The following APP variants were observed in gnomAD, a reference collection of about 807,000 sequenced individuals.
APP encodes the protein amyloid beta precursor protein.
A neutral mutation model predicts 101.4 loss-of-function variants in APP; 31 were observed. The observed-to-expected ratio is 0.31, with a 90% CI of 0.23 to 0.41. The LOEUF (loss-of-function observed/expected upper bound fraction) is 0.41, where lower values mean the gene tolerates loss of function less well. APP is among the 10% of genes least tolerant of loss of function. The probability of loss-of-function intolerance (pLI) is 1.00; values close to 1 mark genes in which losing one functional copy is unlikely to be tolerated. For missense variants in APP, 839 were observed against 1,003.7 expected (o/e 0.84, Z 2.22); for synonymous variants, 366 against 364.4 (o/e 1.00, Z -0.05).
chr21:26,124,896 T>C, intron 1 of APP, among the ~76,000 whole-genome samples: 1 of 152,224 alleles, frequency 6.6e-6, no homozygotes, highest in East Asian at 1.9e-4. Context: ...GACAGTGGGG[T>C]AACCCGAAAA....
intron 5 of APP, among the ~76,000 whole-genome samples, chr21:26,038,485 C>A (rs913122696): frequency 5.9e-5 from 9 of 152,142 alleles, no homozygotes; most frequent in African/African-American, 2.2e-4. Flanking sequence ...ATCACCCCAG[C>A]TGGCGCGGTG....
chr21:25,910,006 T>C (rs938621898), intron 14 of APP, among the ~76,000 whole-genome samples: 2 of 152,162 alleles, frequency 1.3e-5, no homozygotes, highest in Non-Finnish European at 2.9e-5. Context: ...ATTGTGAAAA[T>C]AGTCTATATA....
chr21:26,037,710 C>T (rs964851684), intron 5 of APP, among the ~76,000 whole-genome samples: 4 of 152,116 alleles, frequency 2.6e-5, no homozygotes, highest in African/African-American at 7.2e-5. Flanking sequence ...ACCTTGTAAA[C>T]ATATTTTCAT....
At chr21:25,902,114 A>G (rs537721396) in intron 15 of APP, among the ~76,000 whole-genome samples, 1 of 152,170 alleles carries the variant, frequency 6.6e-6, no homozygotes, top group South Asian at 2.1e-4. Flanking sequence ...GTTTTTTTAG[A>G]TATGAGAGTT....
intron 3 of APP, among the ~76,000 whole-genome samples, chr21:26,073,957 CAAGAA>C (rs2146044907): frequency 6.6e-6 from 1 of 152,242 alleles, no homozygotes; most frequent in South Asian, 2.1e-4. Context: ...TCTAAGCTTT[CAAGAA>C]AGCAAGAGCT....
rs1027680254 is a variant in APP at position 26,092,791 on chromosome 21, T to C, written c.226-2719A>G. Among the ~76,000 whole-genome samples the C allele has an allele frequency of 8.5e-5, 13 of 152,292 alleles. No homozygotes were observed. In the South Asian group the frequency reaches 2.3e-3, roughly 27 times the overall value. On this transcript the variant is annotated intron_variant, in intron 2 of 17. Coordinates refer to ENST00000346798, the MANE Select transcript of APP (RefSeq NM_000484.4). Reference sequence around the variant, plus strand: ...AGCATGTGTGCAGGTAGCAAGTATATGGGAAACCTCTGTACCTTCCTCTCA... The same window carrying C: ...AGCATGTGTGCAGGTAGCAAGTATACGGGAAACCTCTGTACCTTCCTCTCA...
intron 16 of APP, among the ~76,000 whole-genome samples, chr21:25,893,721 T>G (rs1355642259): frequency 6.6e-6 from 1 of 152,344 alleles, no homozygotes; most frequent in South Asian, 2.1e-4. Context: ...AGAAGCCATC[T>G]CCATAACACA....
In APP at chr21:26,042,888, C is replaced by T. The variant is rs113950737; in HGVS notation, c.662+8112G>A. Among the ~76,000 whole-genome samples the T allele has an allele frequency of 4.5e-3, 687 of 151,878 alleles. 10 individuals carry two copies. The highest frequency in any genetic ancestry group is 0.016 in the African/African-American group (658 of 41,354). On this transcript the variant is annotated intron_variant, in intron 5 of 17. Coordinates refer to ENST00000346798, the MANE Select transcript of APP (RefSeq NM_000484.4). The stretch of plus-strand genomic sequence containing the variant: ...CTATGGTTGCAATACTGCACTCCAG[C>T]ATGTGTGACAGCAAGAACCTGTCTC...
chr21:25,918,685 C>A (rs1441135780), intron 13 of APP, among the ~76,000 whole-genome samples: 1 of 151,760 alleles, frequency 6.6e-6, no homozygotes, highest in Admixed American at 6.7e-5. Context: ...GCTTAAGAAA[C>A]GGCGCACCAC....
intron 1 of APP, among the ~76,000 whole-genome samples, chr21:26,150,606 CAGAT>C (rs775175694): frequency 1.3e-5 from 2 of 148,576 alleles, no homozygotes; most frequent in Admixed American, 6.7e-5. Flanking sequence ...TCTAGATAGA[CAGAT>C]AGATAGACAG....
At chr21:26,153,547 G>GC (rs375273810) in intron 1 of APP, among the ~76,000 whole-genome samples, 47 of 152,108 alleles carry the variant, frequency 3.1e-4, no homozygotes, top group African/African-American at 9.4e-4. Context: ...CTGAGCTCAA[G>GC]CAATCCTCTG....
At chr21:26,107,283 G>C (rs1430297505) in intron 2 of APP, among the ~76,000 whole-genome samples, 2 of 152,166 alleles carry the variant, frequency 1.3e-5, no homozygotes, top group Non-Finnish European at 2.9e-5. Flanking sequence ...AATTCCAGAT[G>C]ATTCCTGTTC....
At chr21:25,999,609 C>G (rs2043197775) in intron 7 of APP, among the ~76,000 whole-genome samples, 1 of 152,232 alleles carries the variant, frequency 6.6e-6, no homozygotes, top group Non-Finnish European at 1.5e-5. Flanking sequence ...CAGTGGTAGA[C>G]AGTATCTGCA....
At chr21:26,093,134 CT>C (rs2061863654) in intron 2 of APP, among the ~76,000 whole-genome samples, 1 of 152,142 alleles carries the variant, frequency 6.6e-6, no homozygotes, top group South Asian at 2.1e-4. Flanking sequence ...AAAAATGCCA[CT>C]AAAAATTTAA....
intron 17 of APP, among the ~76,000 whole-genome samples, chr21:25,886,216 G>C (rs2037316431): frequency 2.0e-5 from 3 of 152,118 alleles, no homozygotes. Flanking sequence ...TTTCAAGCTA[G>C]TGACTTATCC....
At chr21:26,154,561 T>C (rs2063337660) in intron 1 of APP, among the ~76,000 whole-genome samples, 1 of 152,196 alleles carries the variant, frequency 6.6e-6, no homozygotes, top group South Asian at 2.1e-4. Flanking sequence ...TGCCTTCAAG[T>C]GGGCCAGATT....
intron 6 of APP, among the ~76,000 whole-genome samples, chr21:26,017,126 G>A (rs1038381587): frequency 6.8e-6 from 1 of 147,566 alleles, no homozygotes; most frequent in Non-Finnish European, 1.5e-5. Flanking sequence ...GTGAACCCGG[G>A]AGGCCGAGCT....
chr21:26,133,374 T>C (rs1170412320), intron 1 of APP, among the ~76,000 whole-genome samples: 1 of 152,264 alleles, frequency 6.6e-6, no homozygotes, highest in African/African-American at 2.4e-5. Flanking sequence ...AATGTTTGTA[T>C]GATGCCAGAC....
At chr21:25,969,282 A>G (rs942570220) in intron 11 of APP, among the ~76,000 whole-genome samples, 1 of 140,096 alleles carries the variant, frequency 7.1e-6, no homozygotes, top group African/African-American at 2.6e-5. Context: ...CAGAAGGCGG[A>G]GCTTGCAGTG....
Sources: allele counts gnomAD v4.1 joint callset (sites outside exome capture counted in the v4.1 genomes callset), GRCh38; gene constraint gnomAD v4.1.1; transcripts MANE v1.5; gene names NCBI Gene and HGNC (gene_info 2026-07-23, HGNC 2026-07-21).